The following RNF213 variants were observed in gnomAD, a reference collection of about 807,000 sequenced individuals.
The protein encoded by RNF213 is E3 ubiquitin-protein ligase RNF213.
RNF213 carries 341 observed loss-of-function variants against 514.4 expected under a neutral mutation model. The ratio of observed to expected loss-of-function variants is 0.66; its 90% CI spans 0.61 to 0.73. RNF213 has a LOEUF of 0.73. RNF213 is among the 30% of genes least tolerant of loss of function. The probability of loss-of-function intolerance (pLI) is 0.00; values close to 1 mark genes in which losing one functional copy is unlikely to be tolerated. For missense variants in RNF213, 5,767 were observed against 6,615.6 expected, an observed-to-expected ratio of 0.87 and a Z score of 4.45; for synonymous variants, 2,655 against 2,658.2, an observed-to-expected ratio of 1.00 and a Z score of 0.04.
intron 28 of RNF213, among the ~76,000 whole-genome samples, chr17:80,344,322 C>T (rs2078244511): frequency 6.6e-6 from 1 of 152,210 alleles, no homozygotes; most frequent in African/African-American, 2.4e-5. Context: ...TGAAAGACCT[C>T]ACCTTTCCTA....
chr17:80,270,691 T>C (rs985385087), intron 2 of RNF213, among the ~76,000 whole-genome samples: 1 of 152,066 alleles, frequency 6.6e-6, no homozygotes, highest in African/African-American at 2.4e-5. Context: ...GGGAAGCTCG[T>C]TTTGCTTTGG....
chr17:80,262,769 G>A (rs550730537), intron 1 of RNF213, among the ~76,000 whole-genome samples: 13 of 152,290 alleles, frequency 8.5e-5, no homozygotes, highest in Admixed American at 3.3e-4. Flanking sequence ...CAGTGCCTCC[G>A]TCCCTCGTTC....
Position 80,373,027 on chromosome 17 carries a change from C to G in RNF213, c.12804C>G (p.Ile4268Met). 6.2e-7 allele frequency: 1 copy of G among 1,614,034 alleles called. No individual in the cohort carries two copies. The highest frequency in any genetic ancestry group is 8.5e-7 in the Non-Finnish European group (1 of 1,179,996). ...CYLQQVKQFC[I>M]RVENDWHRVY... is the part of the protein sequence containing the mutation. ...TGCAGCAAGTCAAGCAGTTCTGTAT[C>G]CGGGTGGAGAACGACTGGCACCGGG... Residue 4268 changes from isoleucine (I) to methionine (M), a missense_variant, in exon 49 of 68, where the codon ATC becomes ATG. Coordinates refer to ENST00000582970, the MANE Select transcript of RNF213 (RefSeq NM_001256071.3).
intron 8 of RNF213, chr17:80,292,080 G>T (rs921213003): frequency 3.5e-6 from 2 of 565,152 alleles, no homozygotes; most frequent in African/African-American, 1.9e-5. Context: ...GAGGAAACAT[G>T]CAAAGGACTT....
At chr17:80,276,055 C>T (rs2044042491) in intron 3 of RNF213, among the ~76,000 whole-genome samples, 1 of 151,334 alleles carries the variant, frequency 6.6e-6, no homozygotes, top group African/African-American at 2.4e-5. Context: ...GCCAAAGGAA[C>T]ATAGACTTTA....
chr17:80,363,639 A>G lies in RNF213; in HGVS notation c.11599A>G (p.Thr3867Ala). The stretch of plus-strand genomic sequence containing the variant: ...GGACGCATTTGCCGCAATGGCCTGC[A>G]CGGAGATGCTGACAAGAAACACCCT... ...TLDAFAAMAC[T>A]EMLTRNTLKP... Residue 3867 changes from threonine (T) to alanine (A), a missense_variant, in exon 41 of 68, where the codon ACG becomes GCG. Physicochemically the swap from Thr to Ala is moderately conservative, Grantham distance 58 (BLOSUM62 0). This residue lies in a region of RNF213 where 355 missense variants were observed against 358.0 expected (regional missense o/e 0.99). Coordinates refer to ENST00000582970, the MANE Select transcript of RNF213 (RefSeq NM_001256071.3). 1.9e-6 allele frequency: 3 copies of G among 1,614,002 alleles called. No homozygotes were observed. The South Asian group carries it at 3.3e-5, about 18-fold the overall frequency.
intron 37 of RNF213, 82 bp from the exon 38 acceptor site, chr17:80,359,979 C>A: frequency 1.4e-6 from 2 of 1,447,868 alleles, no homozygotes; most frequent in South Asian, 1.2e-5. Context: ...CTGAGAAGAG[C>A]TGGCATCAGT....
chr17:80,281,286 C>T (rs1404368938), intron 3 of RNF213, among the ~76,000 whole-genome samples: 1 of 92,454 alleles, frequency 1.1e-5, no homozygotes, highest in Admixed American at 1.1e-4. Flanking sequence ...CTCCCCCCCA[C>T]ACACATACCC....
chr17:80,262,599 C>T (rs1216727252), intron 1 of RNF213, among the ~76,000 whole-genome samples: 2 of 152,226 alleles, frequency 1.3e-5, no homozygotes, highest in African/African-American at 4.8e-5. Flanking sequence ...TCTGCTGTTT[C>T]ATGGTGTGGA....
intron 12 of RNF213, 101 bp from the exon 13 acceptor site, chr17:80,307,027 A>G (rs969302514): frequency 9.0e-7 from 1 of 1,114,710 alleles, no homozygotes. Flanking sequence ...AAAACAATGT[A>G]TACCATATTG....
intron 30 of RNF213, 127 bp from the exon 31 acceptor site, chr17:80,350,174 A>T: frequency 1.3e-6 from 1 of 778,158 alleles, no homozygotes; most frequent in Non-Finnish European, 2.2e-6. Flanking sequence ...ATCTGTTCTT[A>T]CTGAAGAAAA....
At chr17:80,388,471 A>T in intron 63 of RNF213, 141 bp from the exon 64 acceptor site, 1 of 725,122 alleles carries the variant, frequency 1.4e-6, no homozygotes, top group South Asian at 1.5e-5. Context: ...TTAATGACGG[A>T]GAGGGGCGCT....
chr17:80,363,499 T>C, intron 40 of RNF213, 110 bp from the exon 41 acceptor site: 2 of 1,353,520 alleles, frequency 1.5e-6, no homozygotes, highest in Non-Finnish European at 2.1e-6. Flanking sequence ...ACAATGAAAG[T>C]TTAGGTCGCA....
rs115320015 is a variant in RNF213 at position 80,396,459 on chromosome 17, G to A, written c.*2961G>A. On this transcript the variant is annotated 3_prime_UTR_variant, in exon 68 of 68. Transcript: ENST00000582970. ...GAAAATGTCAGCTCAGGGCCAAGTA[G>A]GTAAAGCCACCCAAGTCTAGCCATG... 1 of 152,258 alleles carries A rather than the reference G, an allele frequency of 6.6e-6. No individual in the cohort carries two copies. Among genetic ancestry groups the A allele is most frequent in the African/African-American group, 2.4e-5 (1 of 41,552 alleles). 9.4% of individuals were successfully genotyped at this position (152,258 alleles called of 1,614,324 possible). A position where few individuals can be genotyped will look rare whatever the true frequency, so the allele number is the denominator to read the frequency against.
At chr17:80,367,642 C>T in intron 42 of RNF213, 106 bp from the exon 43 acceptor site, 1 of 821,536 alleles carries the variant, frequency 1.2e-6, no homozygotes, top group Non-Finnish European at 2.1e-6. Context: ...ACACCCCACA[C>T]ACACGGCGCA....
rs778084417 is a variant in RNF213 at position 80,312,982 on chromosome 17, T to C, written c.2656-30T>C. ...GGGAACCTGAGTCCACAGCCGAGGA[T>C]GACTGACCCTCCCTCTTGTGTGACA... is the stretch of plus-strand genomic sequence containing the variant. On this transcript the variant is annotated intron_variant, in intron 14 of 67. Transcript: ENST00000582970. 15 of 1,613,324 alleles carry C rather than the reference T, an allele frequency of 9.3e-6. No homozygotes were observed. The South Asian group carries it at 1.3e-4, about 14-fold the overall frequency.
chr17:80,363,532 G>T, intron 40 of RNF213, 77 bp from the exon 41 acceptor site: 1 of 1,510,904 alleles, frequency 6.6e-7, no homozygotes, highest in Non-Finnish European at 9.1e-7. Context: ...AAGTATACAT[G>T]CAGCTAACAG....
chr17:80,352,936 A>C lies in RNF213; in HGVS notation c.10304-4A>C. 1 of 1,614,030 alleles carries C rather than the reference A, an allele frequency of 6.2e-7. No homozygotes were observed. The highest frequency in any genetic ancestry group is 8.5e-7 in the Non-Finnish European group (1 of 1,180,044). ...ACAGTTGTGGGTGGCTTCACTCTTC[A>C]CAGGGCTGTGGCAGTCTGTCCACAT... is the stretch of plus-strand genomic sequence containing the variant. On this transcript the variant is annotated splice_polypyrimidine_tract_variant and splice_region_variant and intron_variant, in intron 32 of 67. Coordinates refer to ENST00000582970, the MANE Select transcript of RNF213 (RefSeq NM_001256071.3).
intron 8 of RNF213, among the ~76,000 whole-genome samples, chr17:80,293,289 T>C (rs1400036044): frequency 2.0e-5 from 3 of 151,808 alleles, no homozygotes; most frequent in Non-Finnish European, 4.4e-5. Flanking sequence ...CTCGAACTCC[T>C]GGGCTCAAGC....
Sources: gnomAD v4.1 joint callset for allele counts (sites outside exome capture counted in the v4.1 genomes callset) on GRCh38, gnomAD v4.1.1 for gene constraint, gnomAD v4.1.1 regional missense constraint, MANE v1.5 for transcripts, NCBI Gene and HGNC (gene_info 2026-07-23, HGNC 2026-07-21) for gene names.